Variants in TOGARAM2 observed in about 807,000 individuals in gnomAD.
The protein encoded by TOGARAM2 is TOG array regulator of axonemal microtubules protein 2.
In TOGARAM2, 85 loss-of-function variants were observed where a neutral mutation model predicts 93.3. The observed-to-expected ratio is 0.91, with a 90% CI of 0.76 to 1.09. TOGARAM2 has a LOEUF of 1.09. TOGARAM2 is among the 50% of genes least tolerant of loss of function. TOGARAM2 has a pLI of 0.00. For synonymous variants in TOGARAM2, 593 were observed against 552.8 expected (o/e 1.07, Z -1.02); for missense variants, 1,277 against 1,334.5 (o/e 0.96, Z 0.67).
chr2:28,994,658 T>A, intron 1 of TOGARAM2, 67 bp from the exon 2 acceptor site: 1 of 568,442 alleles, frequency 1.8e-6, no homozygotes, highest in Non-Finnish European at 3.1e-6. Flanking sequence ...CTGAAGGGCT[T>A]TTTGTGAAGT....
intron 7 of TOGARAM2, among the ~76,000 whole-genome samples, chr2:29,013,268 C>T (rs1033247236): frequency 6.6e-6 from 1 of 152,158 alleles, no homozygotes; most frequent in South Asian, 2.1e-4. Flanking sequence ...TGGAAGTGAA[C>T]GGGTATTTTA....
chr2:28,998,564 G>A (rs944846587), intron 3 of TOGARAM2, among the ~76,000 whole-genome samples: 7 of 152,186 alleles, frequency 4.6e-5, no homozygotes, highest in Admixed American at 2.6e-4. Flanking sequence ...TCCACTCAGC[G>A]TCTCTGCCAC....
At chr2:29,013,200 T>C (rs1174360912) in intron 7 of TOGARAM2, among the ~76,000 whole-genome samples, 5 of 152,196 alleles carry the variant, frequency 3.3e-5, no homozygotes, top group African/African-American at 1.2e-4. Context: ...ACCTTTAAAA[T>C]CCGCTGATGG....
intron 14 of TOGARAM2, among the ~76,000 whole-genome samples, chr2:29,030,880 A>C (rs918239176): frequency 3.9e-5 from 6 of 152,214 alleles, no homozygotes; most frequent in Admixed American, 2.0e-4. Flanking sequence ...GGGACCCACC[A>C]TCTGATGTCC....
chr2:29,009,901 T>A (rs1457551379), intron 6 of TOGARAM2, among the ~76,000 whole-genome samples: 1 of 152,138 alleles, frequency 6.6e-6, no homozygotes, highest in Non-Finnish European at 1.5e-5. Flanking sequence ...CGGCATGGCC[T>A]GTCTTGGCCT....
chr2:28,984,151 A>G (rs954007756), intron 1 of TOGARAM2, among the ~76,000 whole-genome samples: 3 of 151,998 alleles, frequency 2.0e-5, no homozygotes, highest in Non-Finnish European at 2.9e-5. Flanking sequence ...TGGAAGTCTG[A>G]GTTTCCCATT....
chr2:28,984,455 A>T (rs1672373430), intron 1 of TOGARAM2, among the ~76,000 whole-genome samples: 1 of 152,184 alleles, frequency 6.6e-6, no homozygotes, highest in Non-Finnish European at 1.5e-5. Context: ...TGTGACAGAC[A>T]TTCAGATGCT....
chr2:29,024,242 C>T lies in TOGARAM2; in HGVS notation c.1721C>T (p.Ala574Val). Residue 574 changes from alanine (A) to valine (V), a missense_variant, in exon 13 of 20, where the codon GCC (alanine) becomes GTC (valine). Ala to Val is a moderately conservative substitution (Grantham distance 64, BLOSUM62 0). Transcript: ENST00000379558. ...ATGGACCAGGAGGCCGAGGAGATCG[C>T]CCGCTGCTTGCTGCAGAAGATGGCG... is the stretch of plus-strand genomic sequence containing the variant. Reference protein sequence around the residue: ...KNMDQEAEEIARCLLQKMADT... With the variant: ...KNMDQEAEEIVRCLLQKMADT... The T allele has an allele frequency of 6.2e-7, 1 of 1,611,412 alleles. No individual in the cohort carries two copies. Among genetic ancestry groups the T allele is most frequent in the Non-Finnish European group, 8.5e-7 (1 of 1,178,748 alleles).
In TOGARAM2 at chr2:29,003,615, G is replaced by A. The variant is rs376131117; in HGVS notation, c.763G>A (p.Gly255Ser). 4 of 1,593,442 alleles carry A rather than the reference G, an allele frequency of 2.5e-6. No individual in the cohort carries two copies. In the African/African-American group the frequency reaches 5.4e-5, roughly 22 times the overall value. Reference protein sequence around the residue: ...TVAATPSRVPGSLPSPLPPGQ... With the variant: ...TVAATPSRVPSSLPSPLPPGQ... ...TGCAGCGACCCCCTCCCGTGTGCCT[G>A]GCTCCCTTCCCAGCCCGTTACCTCC... The change falls in exon 6 of 20, where the codon GGC becomes AGC. Residue 255 changes from glycine (G) to serine (S), a missense_variant. Gly to Ser is a moderately conservative substitution (Grantham distance 56). Transcript: ENST00000379558.
chr2:29,006,124 T>G (rs1663791191), intron 6 of TOGARAM2, among the ~76,000 whole-genome samples: 1 of 48,580 alleles, frequency 2.1e-5, no homozygotes, highest in Non-Finnish European at 5.7e-5. Context: ...CATATGTGTG[T>G]GCATGTGTGT....
chr2:28,987,839 C>T (rs1241134599), intron 1 of TOGARAM2, among the ~76,000 whole-genome samples: 1 of 152,236 alleles, frequency 6.6e-6, no homozygotes, highest in Non-Finnish European at 1.5e-5. Flanking sequence ...GGGGGCTTCT[C>T]ATCTGCGAAC....
chr2:29,020,783 A>G (rs1358553212), intron 10 of TOGARAM2, among the ~76,000 whole-genome samples: 1 of 152,146 alleles, frequency 6.6e-6, no homozygotes, highest in South Asian at 2.1e-4. Flanking sequence ...AAGGATGGGG[A>G]GGTTGGATAT....
At chr2:29,024,668 G>C (rs952098755) in intron 13 of TOGARAM2, among the ~76,000 whole-genome samples, 2 of 152,146 alleles carry the variant, frequency 1.3e-5, no homozygotes, top group African/African-American at 4.8e-5. Flanking sequence ...ACCTTTCATC[G>C]GCCAGGCCGG....
intron 16 of TOGARAM2, 75 bp downstream of exon 16, chr2:29,033,638 G>C: frequency 7.0e-7 from 1 of 1,420,962 alleles, no homozygotes; most frequent in Non-Finnish European, 9.7e-7. Context: ...CCATGGCCAG[G>C]GGTGGCTCTG....
chr2:29,045,245 G>C lies in TOGARAM2; in HGVS notation c.2636-79G>C, dbSNP rs1426065455. ...GCCTCATCCCCTTGCAGGTACTGTG[G>C]GTATGTGGCCCTGCAAACCCCTAGT... On this transcript the variant is annotated intron_variant, in intron 18 of 19. Transcript: ENST00000379558. The C allele has an allele frequency of 5.3e-6, 6 of 1,126,344 alleles. No homozygotes were observed. The Admixed American group carries it at 1.2e-4, about 22-fold the overall frequency. The allele number at this position is 1,126,344 out of a possible 1,614,324, so 69.8% of individuals were successfully genotyped here. A position where few individuals can be genotyped will look rare whatever the true frequency, so the allele number is the denominator to read the frequency against.
chr2:29,051,653 TG>T, intron 19 of TOGARAM2, 102 bp from the exon 20 acceptor site: 1 of 890,680 alleles, frequency 1.1e-6, no homozygotes, highest in Non-Finnish European at 1.7e-6. Flanking sequence ...CTGTGCCTGC[TG>T]GGCTGCCAGC....
At chr2:29,022,479 T>C (rs960805119) in intron 11 of TOGARAM2, among the ~76,000 whole-genome samples, 171 bp downstream of exon 11, 12 of 152,216 alleles carry the variant, frequency 7.9e-5, no homozygotes, top group African/African-American at 2.9e-4. Context: ...TGTGTGTTTA[T>C]GTGCGTGTGT....
intron 18 of TOGARAM2, among the ~76,000 whole-genome samples, chr2:29,042,250 C>A (rs1666478185): frequency 1.3e-5 from 2 of 152,380 alleles, no homozygotes; most frequent in Admixed American, 1.3e-4. Context: ...GTTCATAAAC[C>A]AGCCCAGGCA....
upstream of TOGARAM2, among the ~76,000 whole-genome samples, chr2:28,977,299 G>A (rs1317905481): frequency 1.3e-5 from 2 of 152,148 alleles, no homozygotes; most frequent in Non-Finnish European, 2.9e-5. Flanking sequence ...TTATCCTGAG[G>A]GATGGGTACC....
Sources: allele counts gnomAD v4.1 joint callset (sites outside exome capture counted in the v4.1 genomes callset), GRCh38; gene constraint gnomAD v4.1.1; transcripts MANE v1.5; gene names NCBI Gene and HGNC (gene_info 2026-07-23, HGNC 2026-07-21).